Variants in ARHGEF10 observed in about 807,000 individuals in gnomAD.
The protein encoded by ARHGEF10 is Rho guanine nucleotide exchange factor (GEF) 10.
A neutral mutation model predicts 147.4 loss-of-function variants in ARHGEF10; 140 were observed. The observed-to-expected ratio is 0.95, with a 90% confidence interval of 0.83 to 1.09. The LOEUF (loss-of-function observed/expected upper bound fraction) is 1.09, where lower values mean the gene tolerates loss of function less well. Ranked by LOEUF, ARHGEF10 falls within the 50% of genes least tolerant of loss-of-function variation. The probability of loss-of-function intolerance (pLI) is 0.00; values close to 1 mark genes in which losing one functional copy is unlikely to be tolerated. For missense variants in ARHGEF10, 2,222 were observed against 1,752.7 expected (o/e 1.27, Z -4.78); for synonymous variants, 902 against 695.8 (o/e 1.30, Z -4.67).
In ARHGEF10 at chr8:1,903,170, G is replaced by T. The variant is rs1810607736; in HGVS notation, c.1651-111G>T. ...AAGAACTGACTTTATTTTTCCCCAG[G>T]ATGGCAGATGCCACTGCCTCCTTTC... On this transcript the variant is annotated intron_variant, in intron 15 of 28. Transcript: ENST00000349830. 6 of 1,350,542 alleles carry T rather than the reference G, an allele frequency of 4.4e-6. No individual in the cohort carries two copies. The Admixed American group carries it at 1.0e-4, about 23-fold the overall frequency. The allele number at this position is 1,350,542 out of a possible 1,614,324, so 83.7% of individuals were successfully genotyped here. A position where few individuals can be genotyped will look rare whatever the true frequency, so the allele number is the denominator to read the frequency against.
At chr8:1,950,915 T>C (rs1451175419) in intron 27 of ARHGEF10, among the ~76,000 whole-genome samples, 1 of 152,044 alleles carries the variant, frequency 6.6e-6, no homozygotes, top group East Asian at 1.9e-4. Context: ...TGGCCAGCAT[T>C]ACAGGAGCCC....
intron 2 of ARHGEF10, among the ~76,000 whole-genome samples, chr8:1,853,055 C>T (rs921362207): frequency 8.7e-6 from 1 of 114,622 alleles, no homozygotes; most frequent in South Asian, 2.1e-4. Flanking sequence ...GGGCCGGGCG[C>T]TGGCGGGTGG....
intron 16 of ARHGEF10, 65 bp from the exon 17 acceptor site, chr8:1,905,506 T>C: frequency 6.2e-7 from 1 of 1,601,106 alleles, no homozygotes; most frequent in Non-Finnish European, 8.5e-7. Context: ...ACCAGACTTC[T>C]CCTCATCTTT....
At chr8:1,933,725 T>C (rs1002288470) in intron 25 of ARHGEF10, 75 bp from the exon 26 acceptor site, 1 of 1,558,930 alleles carries the variant, frequency 6.4e-7, no homozygotes, top group Non-Finnish European at 8.8e-7. Context: ...TTACTTAAAA[T>C]GATGTATGAC....
At chr8:1,864,597 T>A (rs1368054192) in intron 5 of ARHGEF10, among the ~76,000 whole-genome samples, 161 bp downstream of exon 5, 1 of 152,208 alleles carries the variant, frequency 6.6e-6, no homozygotes, top group Non-Finnish European at 1.5e-5. Flanking sequence ...CAGGCGAGTG[T>A]CCCTGGAAAT....
At chr8:1,912,924 G>A (rs538067482) in intron 18 of ARHGEF10, among the ~76,000 whole-genome samples, 5 of 152,296 alleles carry the variant, frequency 3.3e-5, no homozygotes, top group East Asian at 1.9e-4. Context: ...CTGGTGCAGC[G>A]TCTTTGTTGG....
At chr8:1,940,098 T>C (rs1000997617) in intron 26 of ARHGEF10, among the ~76,000 whole-genome samples, 1 of 152,148 alleles carries the variant, frequency 6.6e-6, no homozygotes, top group Non-Finnish European at 1.5e-5. Context: ...TTTTTTTAAA[T>C]CATCTTTCCA....
At chr8:1,938,147 G>A (rs1412703784) in intron 26 of ARHGEF10, among the ~76,000 whole-genome samples, 1 of 152,124 alleles carries the variant, frequency 6.6e-6, no homozygotes, top group African/African-American at 2.4e-5. Flanking sequence ...GATGCTTTAG[G>A]GGAGGGGAAG....
At chr8:1,906,017 CT>C (rs1810862688) in intron 17 of ARHGEF10, among the ~76,000 whole-genome samples, 1 of 152,270 alleles carries the variant, frequency 6.6e-6, no homozygotes, top group Middle Eastern at 3.4e-3. Context: ...ATCAAGAGTT[CT>C]TTTTCTTATG....
At chr8:1,885,951 G>A (rs895262629) in intron 11 of ARHGEF10, among the ~76,000 whole-genome samples, 1 of 152,076 alleles carries the variant, frequency 6.6e-6, no homozygotes, top group African/African-American at 2.4e-5. Flanking sequence ...TAAATATTTT[G>A]GACAGCACCC....
rs547433705 is a variant in ARHGEF10 at position 1,911,138 on chromosome 8, A to G, written c.2143+1668A>G. ...AAACACTGAGTATGGACAAGTTCTCATTGTCTATTAAAAAGAAATATGCCA... is the reference window on the plus strand; with the variant it reads ...AAACACTGAGTATGGACAAGTTCTCGTTGTCTATTAAAAAGAAATATGCCA... On this transcript the variant is annotated intron_variant, in intron 18 of 28. Transcript: ENST00000349830. 2.8e-4 allele frequency among the ~76,000 whole-genome samples: 43 copies of G among 152,328 alleles called. No individual in the cohort carries two copies. The East Asian group carries it at 6.7e-3, about 24-fold the overall frequency.
rs1813361506 is a variant in ARHGEF10, at chr8:1,933,959, G to C, written c.3222+17G>C. 2.5e-6 allele frequency: 4 copies of C among 1,614,136 alleles called. No homozygotes were observed. The East Asian group carries it at 8.9e-5, about 36-fold the overall frequency. On this transcript the variant is annotated intron_variant, in intron 26 of 28. Transcript: ENST00000349830. ...GCTGTAGAGGTAAGTCACTTAGGTG[G>C]CTACACGGTGTGGAAAAAATGCATT...
rs1384485341 is a variant in ARHGEF10 at position 1,909,285 on chromosome 8, G to A, written c.1968-10G>A. On this transcript the variant is annotated splice_polypyrimidine_tract_variant and intron_variant, in intron 17 of 28. Transcript: ENST00000349830. The stretch of plus-strand genomic sequence containing the variant: ...TTATTCGTAAAACAAGGATCTTTTG[G>A]TCGTTTCAGCCCCTCTCATGACAGC... 4.3e-6 allele frequency: 7 copies of A among 1,614,216 alleles called. No homozygotes were observed. In the South Asian group the frequency reaches 6.6e-5, roughly 15 times the overall value.
chr8:1,886,945 G>A lies in ARHGEF10; in HGVS notation c.1182+1238G>A, dbSNP rs1472175611. On this transcript the variant is annotated intron_variant, in intron 11 of 28. Transcript: ENST00000349830. Reference sequence around the variant, plus strand: ...GGGGGTGGTTGACAGCCTTTACCAGGAACAGAGGATCTAGCGCTTTCTCCT... The same window carrying A: ...GGGGGTGGTTGACAGCCTTTACCAGAAACAGAGGATCTAGCGCTTTCTCCT... Among the ~76,000 whole-genome samples, 3 of 152,260 alleles carry A rather than the reference G, an allele frequency of 2.0e-5. No homozygotes were observed. In the East Asian group the frequency reaches 5.8e-4, roughly 29 times the overall value.
intron 2 of ARHGEF10, among the ~76,000 whole-genome samples, chr8:1,849,574 C>T (rs1230664876): frequency 2.8e-5 from 3 of 108,840 alleles, no homozygotes; most frequent in African/African-American, 7.6e-5. Flanking sequence ...CTGAGGAGGG[C>T]GTGGGGCCAG....
At chr8:1,908,160 C>G (rs1213154410) in intron 17 of ARHGEF10, among the ~76,000 whole-genome samples, 1 of 151,738 alleles carries the variant, frequency 6.6e-6, no homozygotes, top group Non-Finnish European at 1.5e-5. Context: ...AGACGGGCTC[C>G]CAGCCAGTCA....
Position 1,896,388 on chromosome 8 carries a change from C to T in ARHGEF10, c.1496C>T (p.Thr499Ile), listed in dbSNP as rs769191923. Residue 499 changes from threonine (T) to isoleucine (I), a missense_variant, in exon 14 of 29, where the codon ACA (threonine) becomes ATA (isoleucine). Coordinates refer to ENST00000349830, the MANE Select transcript of ARHGEF10 (RefSeq NM_014629.4). ...AYSEYVNNFS[T>I]AVAVLKKTCA... ...AGTGAATATGTGAACAATTTCAGCA[C>T]AGCCGTGGCAGTCCTCAAGAAAACA... 5 of 1,614,056 alleles carry T rather than the reference C, an allele frequency of 3.1e-6. No individual in the cohort carries two copies. The South Asian group carries it at 3.3e-5, about 11-fold the overall frequency.
rs142637579 is a variant in ARHGEF10, at chr8:1,898,854, A to G, written c.1650+329A>G. On this transcript the variant is annotated intron_variant, in intron 15 of 28. Transcript: ENST00000349830. ...TGGGGGGCCGCGGGGCTTGGTTATC[A>G]GTGGCCCACAGGTCACAGCTCCCTT... is the stretch of plus-strand genomic sequence containing the variant. Among the ~76,000 whole-genome samples the G allele has an allele frequency of 8.4e-4, 128 of 152,288 alleles. 5 individuals are homozygous for G. In the East Asian group the frequency reaches 0.015, roughly 18 times the overall value.
intron 8 of ARHGEF10, among the ~76,000 whole-genome samples, chr8:1,879,518 T>G (rs551212413): frequency 6.6e-6 from 1 of 151,702 alleles, no homozygotes; most frequent in East Asian, 1.9e-4. Context: ...AGTGTCTGTC[T>G]TTTGATGCCA....
Sources: gnomAD v4.1 joint callset for allele counts (sites outside exome capture counted in the v4.1 genomes callset) on GRCh38, gnomAD v4.1.1 for gene constraint, MANE v1.5 for transcripts, NCBI Gene and HGNC (gene_info 2026-07-23, HGNC 2026-07-21) for gene names.